SERPINF2: variants seen among roughly 807,000 people sequenced by gnomAD.
SERPINF2 encodes the protein alpha-2-antiplasmin.
A neutral mutation model predicts 45.0 loss-of-function variants in SERPINF2; 15 were observed. The observed-to-expected ratio is 0.33, with a 90% CI of 0.22 to 0.51. SERPINF2 has a LOEUF of 0.51. Ranked by LOEUF, SERPINF2 falls within the 20% of genes least tolerant of loss-of-function variation. SERPINF2 has a pLI of 0.97. For missense variants in SERPINF2, 518 were observed against 637.4 expected (o/e 0.81, Z 2.02); for synonymous variants, 283 against 277.9 (o/e 1.02, Z -0.18).
At chr17:1,743,609 G>A (rs1298417694) in intron 1 of SERPINF2, among the ~76,000 whole-genome samples, 1 of 151,746 alleles carries the variant, frequency 6.6e-6, no homozygotes. Context: ...CAGCTACTCG[G>A]GAGGCTGAGG....
In SERPINF2 at chr17:1,752,811, G is replaced by A. The variant is rs200740610; in HGVS notation, c.1063+21G>A. ...GCTGGGTAAGGAGGAGGGTGCGGGCGAGCCCCCGAGGTCAGGCTGGGCAGG... is the reference window on the plus strand; with the variant it reads ...GCTGGGTAAGGAGGAGGGTGCGGGCAAGCCCCCGAGGTCAGGCTGGGCAGG... On this transcript the variant is annotated intron_variant, in intron 9 of 9. Transcript: ENST00000453066. 2,745 of 1,583,294 alleles carry A rather than the reference G, an allele frequency of 1.7e-3. 6 individuals are homozygous for A. Among genetic ancestry groups the A allele is most frequent in the Non-Finnish European group, 2.2e-3 (2,514 of 1,164,140 alleles).
intron 1 of SERPINF2, among the ~76,000 whole-genome samples, chr17:1,743,715 C>CAAAAAAAAA (rs61163841): frequency 3.0e-5 from 1 of 33,732 alleles, no homozygotes; most frequent in Non-Finnish European, 6.8e-5. Flanking sequence ...AACTCCATCT[C>CAAAAAAAAA]AAAAAAAAAA....
chr17:1,745,558 G>C lies in SERPINF2; in HGVS notation c.166-150G>C. 1 of 1,169,222 alleles carries C rather than the reference G, an allele frequency of 8.6e-7. No individual in the cohort carries two copies. The highest frequency in any genetic ancestry group is 2.5e-5 in the East Asian group (1 of 39,612). 72.4% of individuals were successfully genotyped at this position (1,169,222 alleles called of 1,614,324 possible). ...GACCGAAGGTGGGCGCCAGGCCCCA[G>C]AATGCCAGTGCCCTCCGTCTGACGC... On this transcript the variant is annotated intron_variant, in intron 4 of 9. Transcript: ENST00000453066. This position sits in a 1 kb window ranked among gnomAD's most constrained non-coding sequence, Gnocchi z 6.2.
Position 1,748,627 on chromosome 17 carries a change from C to A in SERPINF2, c.745C>A (p.Leu249Ile). 6.2e-7 allele frequency: 1 copy of A among 1,614,086 alleles called. No individual in the cohort carries two copies. Among genetic ancestry groups the A allele is most frequent in the Non-Finnish European group, 8.5e-7 (1 of 1,180,050 alleles). Residue 249 changes from leucine to isoleucine, a missense_variant, in exon 8 of 10, where the codon CTT becomes ATT. Transcript: ENST00000453066. ...GFWRNKFDPS[L>I]TQRDSFHLDE... is the part of the protein sequence containing the mutation. ...CTGGAGGAACAAGTTTGACCCGAGC[C>A]TTACCCAGAGAGACTCCTTCCACCT...
At chr17:1,752,898 C>G (rs1437947763) in intron 9 of SERPINF2, 108 bp downstream of exon 9, 3 of 976,448 alleles carry the variant, frequency 3.1e-6, no homozygotes, top group South Asian at 1.6e-5. Flanking sequence ...CTGTGTCCTG[C>G]TCTTTTCCAG....
In SERPINF2 at chr17:1,743,715, CAAAAAAAAAAAAAA is replaced by C. The variant is rs61163841; in HGVS notation, c.-5+818_-5+831del. ...GCATGATAAGAATGAAACTCCATCTCAAAAAAAAAAAAAAAAAAAAAAAAGACAGGCTAAATGGA... is the reference window on the plus strand; with the variant it reads ...GCATGATAAGAATGAAACTCCATCTCAAAAAAAAAAGACAGGCTAAATGGA... On this transcript the variant is annotated intron_variant, in intron 1 of 9. Coordinates refer to ENST00000453066, the MANE Select transcript of SERPINF2 (RefSeq NM_000934.4). Among the ~76,000 whole-genome samples the C allele has an allele frequency of 8.9e-5, 3 of 33,744 alleles. No individual in the cohort carries two copies. In the East Asian group the frequency reaches 3.1e-3, roughly 35 times the overall value. The allele number at this position is 33,744 out of a possible 152,430, so 22.1% of individuals were successfully genotyped here. A position where few individuals can be genotyped will look rare whatever the true frequency, so the allele number is the denominator to read the frequency against.
Position 1,745,454 on chromosome 17 carries a change from G to A in SERPINF2, c.165+59G>A. 6.7e-7 allele frequency: 1 copy of A among 1,485,408 alleles called. No homozygotes were observed. The highest frequency in any genetic ancestry group is 9.3e-7 in the Non-Finnish European group (1 of 1,078,004). 92.0% of individuals were successfully genotyped at this position (1,485,408 alleles called of 1,614,324 possible). A position where few individuals can be genotyped will look rare whatever the true frequency, so the allele number is the denominator to read the frequency against. On this transcript the variant is annotated intron_variant, in intron 4 of 9. Transcript: ENST00000453066. The surrounding 1 kb of genome is among the most constrained non-coding windows in gnomAD (Gnocchi z 6.2). ...GGGCTAGAGGGAGGAGGGCCCATCGGCAGGGGTCGGGGGGTGGGGGCGCGT... is the reference window on the plus strand; with the variant it reads ...GGGCTAGAGGGAGGAGGGCCCATCGACAGGGGTCGGGGGGTGGGGGCGCGT...
chr17:1,750,270 T>A (rs1906261487), intron 8 of SERPINF2, among the ~76,000 whole-genome samples: 1 of 152,106 alleles, frequency 6.6e-6, no homozygotes, highest in Admixed American at 6.6e-5. Flanking sequence ...TGCCTCAGCC[T>A]CCCGAGTAGC....
intron 5 of SERPINF2, 148 bp downstream of exon 5, chr17:1,746,057 C>A: frequency 3.4e-6 from 3 of 891,364 alleles, no homozygotes; most frequent in Non-Finnish European, 5.5e-6. Context: ...CGGTGGCTCA[C>A]GCCTGTAATC....
At position 1,753,234 on chromosome 17, in the gene SERPINF2, G is replaced by A. The variant is rs747259003; in HGVS notation, c.1063+444G>A. On this transcript the variant is annotated intron_variant, in intron 9 of 9. Coordinates refer to ENST00000453066, the MANE Select transcript of SERPINF2 (RefSeq NM_000934.4). ...AGCCTGTGCAACACATTGAAACTCC[G>A]TCCCTACAAAAAATACAAAAATTAG... 6.6e-5 allele frequency among the ~76,000 whole-genome samples: 10 copies of A among 152,122 alleles called. No individual in the cohort carries two copies. In the East Asian group the frequency reaches 7.7e-4, roughly 12 times the overall value.
At position 1,745,800 on chromosome 17, in the gene SERPINF2, G is replaced by C; in HGVS notation, c.258G>C (p.Met86Ile). 6.2e-7 allele frequency: 1 copy of C among 1,614,052 alleles called. No homozygotes were observed. The highest frequency in any genetic ancestry group is 8.5e-7 in the Non-Finnish European group (1 of 1,180,022). ...PEQTHRLARA[M>I]MAFTADLFSL... ...AGACCCACAGGCTGGCCCGGGCCAT[G>C]ATGGCCTTCACTGCCGACCTGTTCT... Residue 86 changes from methionine (M) to isoleucine (I), a missense_variant, in exon 5 of 10, where the codon ATG becomes ATC. Coordinates refer to ENST00000453066, the MANE Select transcript of SERPINF2 (RefSeq NM_000934.4). This position sits in a 1 kb window ranked among gnomAD's most constrained non-coding sequence, Gnocchi z 6.2.
chr17:1,746,045 G>A lies in SERPINF2; in HGVS notation c.367+136G>A. 3 of 1,006,442 alleles carry A rather than the reference G, an allele frequency of 3.0e-6. No individual in the cohort carries two copies. In the South Asian group the frequency reaches 3.9e-5, roughly 13 times the overall value. 62.3% of individuals were successfully genotyped at this position (1,006,442 alleles called of 1,614,324 possible). Reference sequence around the variant, plus strand: ...GTAAAAATGCAGATTCCTAGGCCGGGGCGGTGGCTCACGCCTGTAATCCCA... The same window carrying A: ...GTAAAAATGCAGATTCCTAGGCCGGAGCGGTGGCTCACGCCTGTAATCCCA... On this transcript the variant is annotated intron_variant, in intron 5 of 9. Transcript: ENST00000453066.
At chr17:1,753,502 C>T (rs1269372672) in intron 9 of SERPINF2, among the ~76,000 whole-genome samples, 2 of 152,188 alleles carry the variant, frequency 1.3e-5, no homozygotes, top group African/African-American at 2.4e-5. Context: ...GCCTGGCCAA[C>T]ATGGCCAAAC....
At chr17:1,747,738 T>C (rs990981963) in intron 7 of SERPINF2, among the ~76,000 whole-genome samples, 10 of 152,168 alleles carry the variant, frequency 6.6e-5, no homozygotes, top group Admixed American at 6.5e-4. Context: ...CTAATTTTTG[T>C]ATTTTAGTAG....
chr17:1,743,476 G>A (rs1905481549), intron 1 of SERPINF2, among the ~76,000 whole-genome samples: 2 of 151,890 alleles, frequency 1.3e-5, no homozygotes, highest in South Asian at 2.1e-4. Flanking sequence ...AGCACTTTGG[G>A]AGGCTGAGGC....
intron 7 of SERPINF2, among the ~76,000 whole-genome samples, chr17:1,748,065 C>T (rs961057792): frequency 2.0e-5 from 3 of 151,508 alleles, no homozygotes; most frequent in South Asian, 4.2e-4. Context: ...TTTGGGAGGC[C>T]GAGGCGGGCA....
intron 8 of SERPINF2, among the ~76,000 whole-genome samples, chr17:1,750,693 C>T (rs1906311118): frequency 6.6e-6 from 1 of 152,204 alleles, no homozygotes; most frequent in South Asian, 2.1e-4. Flanking sequence ...GGCCAGACAG[C>T]TGTGGCTGAG....
In SERPINF2 at chr17:1,754,266, G is replaced by C. The variant is rs779114899; in HGVS notation, c.1208G>C (p.Arg403Pro). Residue 403 changes from arginine (R) to proline (P), a missense_variant, in exon 10 of 10, where the codon CGC becomes CCC. Around this residue, in one of 2 missense-constraint regions of SERPINF2, gnomAD observed 435 missense variants for 577.3 expected, o/e 0.75. Coordinates refer to ENST00000453066, the MANE Select transcript of SERPINF2 (RefSeq NM_000934.4). ...GCGGCCACCAGCATTGCCATGTCCC[G>C]CATGTCCCTGTCCTCCTTCAGCGTG... ...AAAATSIAMSRMSLSSFSVNR... is the reference protein window; with the variant it reads ...AAAATSIAMSPMSLSSFSVNR... The C allele has an allele frequency of 6.2e-7, 1 of 1,614,082 alleles. No homozygotes were observed. The highest frequency in any genetic ancestry group is 8.5e-7 in the Non-Finnish European group (1 of 1,180,022).
chr17:1,754,304 C>A lies in SERPINF2; in HGVS notation c.1246C>A (p.Leu416Ile). ...CTCCTTCAGCGTGAACCGCCCCTTCCTCTTCTTCATCTTCGAGGACACCAC... is the reference window on the plus strand; with the variant it reads ...CTCCTTCAGCGTGAACCGCCCCTTCATCTTCTTCATCTTCGAGGACACCAC... ...LSSFSVNRPF[L>I]FFIFEDTTGL... is the part of the protein sequence containing the mutation. Residue 416 changes from leucine to isoleucine, a missense_variant, in exon 10 of 10, where the codon CTC becomes ATC. By Grantham distance (5) the Leu-to-Ile change is conservative. Around this residue, in one of 2 missense-constraint regions of SERPINF2, gnomAD observed 435 missense variants for 577.3 expected, o/e 0.75. Coordinates refer to ENST00000453066, the MANE Select transcript of SERPINF2 (RefSeq NM_000934.4). 1 of 1,614,212 alleles carries A rather than the reference C, an allele frequency of 6.2e-7. No homozygotes were observed. Among genetic ancestry groups the A allele is most frequent in the Non-Finnish European group, 8.5e-7 (1 of 1,180,048 alleles).
Sources: gnomAD v4.1 joint callset for allele counts (sites outside exome capture counted in the v4.1 genomes callset) on GRCh38, gnomAD v4.1.1 for gene constraint, gnomAD v4.1.1 regional missense constraint, Gnocchi (gnomAD v3.1) non-coding constraint, MANE v1.5 for transcripts, NCBI Gene and HGNC (gene_info 2026-07-23, HGNC 2026-07-21) for gene names.